SEC14L6: variants seen among roughly 807,000 people sequenced by gnomAD.
SEC14L6 encodes the protein SEC14-like protein 6.
SEC14L6 carries 40 observed loss-of-function variants against 54.1 expected under a neutral mutation model. The observed-to-expected ratio is 0.74, with a 90% CI of 0.57 to 0.96. SEC14L6 has a LOEUF of 0.96. Ranked by LOEUF, SEC14L6 falls within the 40% of genes least tolerant of loss-of-function variation. SEC14L6 has a pLI of 0.00. For missense variants in SEC14L6, 471 were observed against 498.3 expected (o/e 0.95, Z 0.52); for synonymous variants, 171 against 198.4 (o/e 0.86, Z 1.16).
intron 3 of SEC14L6, chr22:30,533,228 T>C (rs1332227150): frequency 1.1e-6 from 1 of 874,378 alleles, no homozygotes; most frequent in African/African-American, 1.8e-5. Flanking sequence ...CTGCAGAGCC[T>C]GGCTGATGTG....
chr22:30,536,020 G>A (rs1051405341), intron 2 of SEC14L6, among the ~76,000 whole-genome samples: 9 of 151,272 alleles, frequency 5.9e-5, no homozygotes, highest in African/African-American at 1.7e-4. Flanking sequence ...CACCAGGTCT[G>A]GCTAAGTTTT....
Position 30,525,070 on chromosome 22 carries a change from G to T in SEC14L6, c.1121C>A (p.Ser374Tyr), listed in dbSNP as rs545306184. 33 of 1,549,986 alleles carry T rather than the reference G, an allele frequency of 2.1e-5. No homozygotes were observed. In the African/African-American group the frequency reaches 4.0e-4, roughly 19 times the overall value. The change falls in exon 12 of 12, where the codon TCT becomes TAT. Residue 374 changes from serine to tyrosine, a missense_variant. Ser to Tyr is a moderately radical substitution (Grantham distance 144). Transcript: ENST00000402034. Reference protein sequence around the residue: ...RFYNTYSLVHSKRISYTVEVL... With the variant: ...RFYNTYSLVHYKRISYTVEVL... ...CTCCACGGTGTAGCTGATGCGTTTA[G>T]AATGAACCAGGCTGTAGGTGTTGTA...
chr22:30,539,772 G>C (rs977195441), intron 1 of SEC14L6, among the ~76,000 whole-genome samples: 4 of 152,224 alleles, frequency 2.6e-5, no homozygotes, highest in African/African-American at 9.6e-5. Context: ...TGACTTAGAA[G>C]CCTTCAATGT....
chr22:30,533,212 CA>C, intron 3 of SEC14L6: 1 of 947,508 alleles, frequency 1.1e-6, no homozygotes, highest in Non-Finnish European at 1.3e-6. Flanking sequence ...TACCCCCCTA[CA>C]AGGCCTGCAG....
At chr22:30,543,293 G>C (rs2085757432) in intron 1 of SEC14L6, 2 of 1,579,828 alleles carry the variant, frequency 1.3e-6, no homozygotes, top group Non-Finnish European at 1.7e-6. Context: ...TCTTTTCGTG[G>C]GACTGCCAAC....
chr22:30,533,147 C>T (rs1937038948), intron 3 of SEC14L6: 3 of 985,374 alleles, frequency 3.0e-6, no homozygotes, highest in Non-Finnish European at 3.6e-6. Flanking sequence ...CGCATGGCTG[C>T]CCTGGGAGTC....
rs1193923151 is a variant in SEC14L6 at position 30,523,044 on chromosome 22, A to C, written c.*1953T>G. On this transcript the variant is annotated 3_prime_UTR_variant, in exon 12 of 12. Coordinates refer to ENST00000402034, the MANE Select transcript of SEC14L6 (RefSeq NM_001193336.4). ...TTCCATTTATATGACACTCTGGAAAAAATCAAAAGTGTAGGGATGAAGAAC... is the reference window on the plus strand; with the variant it reads ...TTCCATTTATATGACACTCTGGAAACAATCAAAAGTGTAGGGATGAAGAAC... 1 of 152,262 alleles carries C rather than the reference A, an allele frequency of 6.6e-6. No homozygotes were observed. Among genetic ancestry groups the C allele is most frequent in the Non-Finnish European group, 1.5e-5 (1 of 68,052 alleles). The allele number at this position is 152,262 out of a possible 1,614,324, so 9.4% of individuals were successfully genotyped here.
At position 30,531,946 on chromosome 22, in the gene SEC14L6, C is replaced by T. The variant is rs1203491404; in HGVS notation, c.476G>A (p.Gly159Asp). 4.5e-6 allele frequency: 7 copies of T among 1,550,830 alleles called. No individual in the cohort carries two copies. The South Asian group carries it at 4.8e-5, about 11-fold the overall frequency. ...IIAIFGLEGL[G>D]LRDLWKPGIE... is the part of the protein sequence containing the mutation. ...TCCTGGCTTCCACAGATCCCTCAGGCCCAGCCCTTCGAGACCAAAAATAGC... is the reference window on the plus strand; with the variant it reads ...TCCTGGCTTCCACAGATCCCTCAGGTCCAGCCCTTCGAGACCAAAAATAGC... The change falls in exon 6 of 12, where the codon GGC becomes GAC. Residue 159 changes from glycine (G) to aspartate (D), a missense_variant. Gly to Asp is a moderately conservative substitution (Grantham distance 94, BLOSUM62 -1). Coordinates refer to ENST00000402034, the MANE Select transcript of SEC14L6 (RefSeq NM_001193336.4).
Position 30,538,855 on chromosome 22 carries a change from A to C in SEC14L6, c.102T>G (p.Asp34Glu), listed in dbSNP as rs1163437077. Reference sequence around the variant, plus strand: ...GGAGCCAGCGCAGGAGGAAGTAGTCATCAGGATTGGGCAGCGCAGATAGCA... The same window carrying C: ...GGAGCCAGCGCAGGAGGAAGTAGTCCTCAGGATTGGGCAGCGCAGATAGCA... ...QDVLSALPNP[D>E]DYFLLRWLQA... The change falls in exon 2 of 12, where the codon GAT (aspartate) becomes GAG (glutamate). Residue 34 changes from aspartate (D) to glutamate (E), a missense_variant. Physicochemically the swap from Asp to Glu is conservative, Grantham distance 45. Transcript: ENST00000402034. The C allele has an allele frequency of 6.4e-7, 1 of 1,557,962 alleles. No homozygotes were observed. The highest frequency in any genetic ancestry group is 8.7e-7 in the Non-Finnish European group (1 of 1,150,292).
chr22:30,538,974 G>T, intron 1 of SEC14L6, 72 bp from the exon 2 acceptor site: 2 of 1,048,190 alleles, frequency 1.9e-6, no homozygotes, highest in Non-Finnish European at 2.9e-6. Context: ...AACTGTCCTT[G>T]AGGAAGGGGA....
intron 2 of SEC14L6, among the ~76,000 whole-genome samples, chr22:30,534,332 G>A (rs1284564479): frequency 1.3e-5 from 2 of 152,166 alleles, no homozygotes; most frequent in African/African-American, 4.8e-5. Context: ...GAATCATAAG[G>A]CTGAGAATTG....
At chr22:30,540,752 C>T (rs1339691104) in intron 1 of SEC14L6, among the ~76,000 whole-genome samples, 1 of 148,750 alleles carries the variant, frequency 6.7e-6, no homozygotes. Context: ...GGTGCAGTGG[C>T]TCATACCTGT....
intron 1 of SEC14L6, chr22:30,542,502 C>A: frequency 2.9e-6 from 2 of 694,460 alleles, no homozygotes; most frequent in Non-Finnish European, 4.4e-6. Context: ...GGAGCGGGGA[C>A]CCGGCCTCTG....
Position 30,524,809 on chromosome 22 carries a change from A to G in SEC14L6, c.*188T>C, listed in dbSNP as rs1410602613. 9 of 559,814 alleles carry G rather than the reference A, an allele frequency of 1.6e-5. No homozygotes were observed. In the Admixed American group the frequency reaches 2.7e-4, roughly 17 times the overall value. 34.7% of individuals were successfully genotyped at this position (559,814 alleles called of 1,614,324 possible). A position where few individuals can be genotyped will look rare whatever the true frequency, so the allele number is the denominator to read the frequency against. On this transcript the variant is annotated 3_prime_UTR_variant, in exon 12 of 12. Transcript: ENST00000402034. Reference sequence around the variant, plus strand: ...GTGTCTGTGTTGCTTTGCTGTGACCATCGGGCCACCACTAGGACACTGTCC... The same window carrying G: ...GTGTCTGTGTTGCTTTGCTGTGACCGTCGGGCCACCACTAGGACACTGTCC...
Position 30,540,367 on chromosome 22 carries a change from CTTTTTTT to C in SEC14L6, c.55-1472_55-1466del, listed in dbSNP as rs753718105. Among the ~76,000 whole-genome samples the C allele has an allele frequency of 2.0e-3, 223 of 114,042 alleles. 1 individual carries two copies. The highest frequency in any genetic ancestry group is 7.1e-3 in the African/African-American group (195 of 27,632). The allele number at this position is 114,042 out of a possible 152,430, so 74.8% of individuals were successfully genotyped here. A position where few individuals can be genotyped will look rare whatever the true frequency, so the allele number is the denominator to read the frequency against. ...AGAACACTGCCCCTCCTTTTTGTTC[CTTTTTTT>C]TTTTTTTTTTTTTTTTGAGTATTGT... is the stretch of plus-strand genomic sequence containing the variant. On this transcript the variant is annotated intron_variant, in intron 1 of 11. Coordinates refer to ENST00000402034, the MANE Select transcript of SEC14L6 (RefSeq NM_001193336.4).
Position 30,524,899 on chromosome 22 carries a change from T to C in SEC14L6, c.*98A>G, listed in dbSNP as rs1936712242. 2.8e-6 allele frequency: 2 copies of C among 701,790 alleles called. No individual in the cohort carries two copies. The highest frequency in any genetic ancestry group is 2.1e-5 in the Admixed American group (1 of 47,834). 43.5% of individuals were successfully genotyped at this position (701,790 alleles called of 1,614,324 possible). A position where few individuals can be genotyped will look rare whatever the true frequency, so the allele number is the denominator to read the frequency against. On this transcript the variant is annotated 3_prime_UTR_variant, in exon 12 of 12. Coordinates refer to ENST00000402034, the MANE Select transcript of SEC14L6 (RefSeq NM_001193336.4). ...CTGTGACCTGCTGTTGTAGAATCCCTGTTCCTGAGAGGTTGAACAGGGTCT... is the reference window on the plus strand; with the variant it reads ...CTGTGACCTGCTGTTGTAGAATCCCCGTTCCTGAGAGGTTGAACAGGGTCT...
At position 30,532,607 on chromosome 22, in the gene SEC14L6, G is replaced by A. The variant is rs759316456; in HGVS notation, c.341C>T (p.Ser114Leu). ...CCTGAGCAACTCCTGTTTGGAGGCT[G>A]AGAGCAAGAGGCCTTTGGGGTCCAG... is the stretch of plus-strand genomic sequence containing the variant. ...GSLDPKGLLL[S>L]ASKQELLRDS... Residue 114 changes from serine (S) to leucine (L), a missense_variant, in exon 5 of 12, where the codon TCA becomes TTA. Ser to Leu is a moderately radical substitution (Grantham distance 145). Coordinates refer to ENST00000402034, the MANE Select transcript of SEC14L6 (RefSeq NM_001193336.4). 9.7e-6 allele frequency: 15 copies of A among 1,550,558 alleles called. 1 individual carries two copies. The South Asian group carries it at 1.4e-4, about 15-fold the overall frequency.
intron 7 of SEC14L6, 34 bp downstream of exon 7, chr22:30,529,255 C>T (rs1405921295): frequency 3.9e-6 from 6 of 1,548,016 alleles, no homozygotes; most frequent in East Asian, 2.4e-5. Context: ...CCCTGTCCCC[C>T]CAACTCATGC....
chr22:30,543,802 G>A (rs1254735478), intron 1 of SEC14L6: 1 of 1,510,166 alleles, frequency 6.6e-7, no homozygotes, highest in East Asian at 2.3e-5. Context: ...AAGGTTGCAT[G>A]AACCCGAGAA....
Sources: gnomAD v4.1 joint callset for allele counts (sites outside exome capture counted in the v4.1 genomes callset) on GRCh38, gnomAD v4.1.1 for gene constraint, MANE v1.5 for transcripts, NCBI Gene and HGNC (gene_info 2026-07-23, HGNC 2026-07-21) for gene names.